The following TAPT1 variants were observed in gnomAD, a reference collection of about 807,000 sequenced individuals.
TAPT1 encodes the protein transmembrane anterior posterior transformation 1.
A neutral mutation model predicts 65.6 loss-of-function variants in TAPT1; 28 were observed. The ratio of observed to expected loss-of-function variants is 0.43; its 90% CI spans 0.32 to 0.59. The LOEUF is 0.59. Among genes scored for constraint, TAPT1 ranks in the 20% least tolerant of loss-of-function variants. The pLI, the probability that TAPT1 is intolerant of heterozygous loss-of-function variation, is 0.09. For missense variants in TAPT1, 563 were observed against 679.9 expected, an observed-to-expected ratio of 0.83 and a Z score of 1.91; for synonymous variants, 278 against 245.2, an observed-to-expected ratio of 1.13 and a Z score of -1.25.
chr4:16,181,245 C>T (rs1748690650), intron 7 of TAPT1, among the ~76,000 whole-genome samples: 2 of 152,204 alleles, frequency 1.3e-5, no homozygotes. Context: ...TATATGTGTG[C>T]TAAGTCCTTT....
At chr4:16,169,920 G>C (rs567143708) in intron 12 of TAPT1, among the ~76,000 whole-genome samples, 165 of 152,242 alleles carry the variant, frequency 1.1e-3, no homozygotes, top group Non-Finnish European at 1.8e-3. Flanking sequence ...TCCTCTGGAG[G>C]GATTCAAGTT....
At chr4:16,205,929 A>G (rs1232222293) in intron 2 of TAPT1, among the ~76,000 whole-genome samples, 2 of 152,192 alleles carry the variant, frequency 1.3e-5, no homozygotes, top group African/African-American at 4.8e-5. Context: ...CCTGAAGATG[A>G]TTAGGTTATT....
At position 16,213,865 on chromosome 4, in the gene TAPT1, A is replaced by T; in HGVS notation, c.233T>A (p.Leu78Gln). 6.2e-7 allele frequency: 1 copy of T among 1,604,592 alleles called. No individual in the cohort carries two copies. Among genetic ancestry groups the T allele is most frequent in the Non-Finnish European group, 8.5e-7 (1 of 1,177,492 alleles). Residue 78 changes from leucine to glutamine, a missense_variant, in exon 2 of 14, where the codon CTA (leucine) becomes CAA (glutamine). Transcript: ENST00000405303. ...LSLLRFLSAELTRGYFLEHNE... is the reference protein window; with the variant it reads ...LSLLRFLSAEQTRGYFLEHNE... ...ATGTTCAAGGAAGTACCCTCTTGTT[A>T]GTTCAGCACTGAGGAACCTCAACAA...
intron 7 of TAPT1, among the ~76,000 whole-genome samples, chr4:16,185,279 T>C (rs201916348): frequency 1.3e-5 from 2 of 152,284 alleles, no homozygotes; most frequent in South Asian, 2.1e-4. Flanking sequence ...GCATGTAATA[T>C]TTTTATTAAA....
At chr4:16,219,282 G>C (rs1435814878) in intron 1 of TAPT1, among the ~76,000 whole-genome samples, 1 of 152,020 alleles carries the variant, frequency 6.6e-6, no homozygotes, top group Admixed American at 6.5e-5. Context: ...TTTGTAAACA[G>C]GCCACTGTGT....
chr4:16,164,509 T>TGGCCC (rs1207570470), intron 13 of TAPT1, among the ~76,000 whole-genome samples: 3 of 152,326 alleles, frequency 2.0e-5, no homozygotes, highest in East Asian at 3.9e-4. Context: ...CCTGAGTCAA[T>TGGCCC]GGCCCTGCCC....
At chr4:16,220,435 A>G (rs1751187817) in intron 1 of TAPT1, among the ~76,000 whole-genome samples, 1 of 152,236 alleles carries the variant, frequency 6.6e-6, no homozygotes, top group South Asian at 2.1e-4. Flanking sequence ...ATGTCAATTA[A>G]TCTTAGTTCA....
intron 2 of TAPT1, among the ~76,000 whole-genome samples, chr4:16,207,389 G>T (rs748273577): frequency 6.6e-6 from 1 of 152,144 alleles, no homozygotes; most frequent in Non-Finnish European, 1.5e-5. Flanking sequence ...GGCTTTATAT[G>T]ACATTTGAAG....
Position 16,202,814 on chromosome 4 carries a change from T to C in TAPT1, c.331-234A>G, listed in dbSNP as rs73798872. 0.017 allele frequency among the ~76,000 whole-genome samples: 2,541 copies of C among 152,260 alleles called. 68 individuals carry two copies. The highest frequency in any genetic ancestry group is 0.058 in the African/African-American group (2,397 of 41,548). On this transcript the variant is annotated intron_variant, in intron 2 of 13. Coordinates refer to ENST00000405303, the MANE Select transcript of TAPT1 (RefSeq NM_153365.3). Reference sequence around the variant, plus strand: ...CTCAAAAACAAGTTGCCCTTGACCATAGTTAATGGCACATCATCTGATGCG... The same window carrying C: ...CTCAAAAACAAGTTGCCCTTGACCACAGTTAATGGCACATCATCTGATGCG...
intron 2 of TAPT1, among the ~76,000 whole-genome samples, chr4:16,204,412 A>T (rs1750220262): frequency 6.6e-6 from 1 of 152,264 alleles, no homozygotes; most frequent in Non-Finnish European, 1.5e-5. Context: ...ACTGAGTTAC[A>T]AACTGCAGAC....
chr4:16,163,191 A>G lies in TAPT1; in HGVS notation c.*117T>C. ...GAAAGATACTAAGATTTGCTTGCCA[A>G]TAATAATTTAAGTTTTTAAATAAAT... On this transcript the variant is annotated 3_prime_UTR_variant, in exon 14 of 14. Transcript: ENST00000405303. 1.3e-6 allele frequency: 1 copy of G among 786,584 alleles called. No individual in the cohort carries two copies. The highest frequency in any genetic ancestry group is 2.7e-5 in the East Asian group (1 of 37,616). 48.7% of individuals were successfully genotyped at this position (786,584 alleles called of 1,614,324 possible).
intron 8 of TAPT1, among the ~76,000 whole-genome samples, chr4:16,178,786 C>T (rs1175390403): frequency 1.3e-5 from 2 of 152,186 alleles, no homozygotes; most frequent in African/African-American, 4.8e-5. Flanking sequence ...GCAAAATTTC[C>T]ACCTTACTTT....
At chr4:16,210,912 A>G (rs1413219399) in intron 2 of TAPT1, among the ~76,000 whole-genome samples, 1 of 152,204 alleles carries the variant, frequency 6.6e-6, no homozygotes, top group East Asian at 1.9e-4. Flanking sequence ...TTAGCTTAAA[A>G]TAAGAAGTTT....
intron 3 of TAPT1, among the ~76,000 whole-genome samples, chr4:16,192,982 C>T (rs1749461644): frequency 6.6e-6 from 1 of 152,216 alleles, no homozygotes; most frequent in South Asian, 2.1e-4. Context: ...ATTTGTAAAT[C>T]TTCCAAACTG....
At chr4:16,201,930 A>T (rs180909602) in intron 3 of TAPT1, among the ~76,000 whole-genome samples, 4,790 of 151,970 alleles carry the variant, frequency 0.032, 222 homozygotes, top group African/African-American at 0.1. Context: ...ATGGTCTTCC[A>T]GAGTTTTTCC....
intron 13 of TAPT1, among the ~76,000 whole-genome samples, chr4:16,164,737 C>T (rs1006674992): frequency 5.9e-5 from 9 of 152,100 alleles, no homozygotes; most frequent in Admixed American, 2.6e-4. Flanking sequence ...CCTAGCCTAA[C>T]TTCTTAACTA....
chr4:16,179,646 G>A lies in TAPT1; in HGVS notation c.928C>T (p.Arg310Ter). The change falls in exon 8 of 14, where the codon CGA (arginine) becomes TGA (stop). Residue 310 changes from arginine to a stop codon, truncating the protein, a stop_gained. Coordinates refer to ENST00000405303, the MANE Select transcript of TAPT1 (RefSeq NM_153365.3). LOFTEE classifies it high-confidence loss of function. ...AGTAAAAGCACATAATTTGTGAATC[G>A]TTCCTTAATATCTAAAAGAAAAAAA... is the stretch of plus-strand genomic sequence containing the variant. ...FQMSNSDIKE[R>*]FTNYVLLLIV... The A allele has an allele frequency of 3.3e-6, 5 of 1,530,880 alleles. No homozygotes were observed. Among genetic ancestry groups the A allele is most frequent in the East Asian group, 2.5e-5 (1 of 40,424 alleles). 94.8% of individuals were successfully genotyped at this position (1,530,880 alleles called of 1,614,324 possible).
rs1747230395 is a variant in TAPT1, at chr4:16,161,319, T to C, written c.*1989A>G. The C allele has an allele frequency of 6.5e-6, 1 of 152,676 alleles. No homozygotes were observed. Among genetic ancestry groups the C allele is most frequent in the Non-Finnish European group, 1.5e-5 (1 of 68,048 alleles). 9.5% of individuals were successfully genotyped at this position (152,676 alleles called of 1,614,324 possible). A position where few individuals can be genotyped will look rare whatever the true frequency, so the allele number is the denominator to read the frequency against. ...TTAAAAAAGATTACAAAACTGAATT[T>C]ATTGAGATTCACACAAGATGCACTT... On this transcript the variant is annotated 3_prime_UTR_variant, in exon 14 of 14. Transcript: ENST00000405303.
At chr4:16,189,259 T>C (rs1676943490) in intron 4 of TAPT1, among the ~76,000 whole-genome samples, 2 of 152,280 alleles carry the variant, frequency 1.3e-5, no homozygotes, top group East Asian at 1.9e-4. Context: ...ATCCAATCTC[T>C]TGTGGCTCCT....
Sources: gnomAD v4.1 joint callset for allele counts (sites outside exome capture counted in the v4.1 genomes callset) on GRCh38, gnomAD v4.1.1 for gene constraint, MANE v1.5 for transcripts, NCBI Gene and HGNC (gene_info 2026-07-23, HGNC 2026-07-21) for gene names.